The following PTPRE variants were observed in gnomAD, a reference collection of about 807,000 sequenced individuals.
PTPRE encodes receptor-type tyrosine-protein phosphatase epsilon.
Under a neutral mutation model 102.0 loss-of-function variants are expected in PTPRE, and 51 were observed. The observed-to-expected ratio is 0.50, with a 90% CI of 0.40 to 0.63. PTPRE has a LOEUF of 0.63. PTPRE is among the 30% of genes least tolerant of loss of function. The pLI is 0.00. For synonymous variants in PTPRE, 345 were observed against 348.2 expected, an observed-to-expected ratio of 0.99 and a Z score of 0.10; for missense variants, 752 against 915.1, an observed-to-expected ratio of 0.82 and a Z score of 2.30.
intron 1 of PTPRE, among the ~76,000 whole-genome samples, chr10:127,981,242 GA>G (rs1166412993): frequency 3.9e-5 from 6 of 152,218 alleles, no homozygotes; most frequent in African/African-American, 1.2e-4. Flanking sequence ...CCATTTATAT[GA>G]AATACTCAGA....
rs570659951 is a variant in PTPRE at position 128,051,894 on chromosome 10, C to T, written c.420+2228C>T. ...TATTTGTTTGTTTGAGATGGGGTCTCGCTGTGTCTCCCAGGCTGGAGTGCA... is the reference window on the plus strand; with the variant it reads ...TATTTGTTTGTTTGAGATGGGGTCTTGCTGTGTCTCCCAGGCTGGAGTGCA... On this transcript the variant is annotated intron_variant, in intron 6 of 20. Coordinates refer to ENST00000254667, the MANE Select transcript of PTPRE (RefSeq NM_006504.6). Among the ~76,000 whole-genome samples, 160 of 152,252 alleles carry T rather than the reference C, an allele frequency of 1.1e-3. 1 individual carries two copies. The highest frequency in any genetic ancestry group is 3.6e-3 in the African/African-American group (151 of 41,546).
At chr10:127,979,130 C>T (rs1851413774) in intron 1 of PTPRE, among the ~76,000 whole-genome samples, 1 of 152,230 alleles carries the variant, frequency 6.6e-6, no homozygotes, top group Non-Finnish European at 1.5e-5. Flanking sequence ...GCCCAGGGCA[C>T]TCCACAGCCC....
chr10:127,915,783 A>G (rs891541902), intron 1 of PTPRE, among the ~76,000 whole-genome samples: 2 of 150,630 alleles, frequency 1.3e-5, no homozygotes, highest in African/African-American at 4.9e-5. Context: ...GAAGTATTAA[A>G]CCTTTATTGA....
At chr10:128,069,659 C>G in intron 12 of PTPRE, 33 bp from the exon 13 acceptor site, 1 of 1,612,584 alleles carries the variant, frequency 6.2e-7, no homozygotes, top group Non-Finnish European at 8.5e-7. Flanking sequence ...AGGAGTGTGA[C>G]TCACGACGCA....
chr10:128,000,027 G>A (rs575512695), intron 2 of PTPRE: 2 of 948,952 alleles, frequency 2.1e-6, no homozygotes, highest in East Asian at 1.2e-4. Context: ...TTCTGTTGCT[G>A]GTTTAGATTG....
At chr10:128,046,537 AG>A (rs1848104480) in intron 3 of PTPRE, among the ~76,000 whole-genome samples, 1 of 152,202 alleles carries the variant, frequency 6.6e-6, no homozygotes, top group South Asian at 2.1e-4. Context: ...TGGGTCCACA[AG>A]AGAGGAGTCC....
intron 2 of PTPRE, among the ~76,000 whole-genome samples, chr10:127,984,394 A>G (rs1439158580): frequency 6.6e-6 from 1 of 151,974 alleles, no homozygotes; most frequent in East Asian, 1.9e-4. Flanking sequence ...CCTCCATTTC[A>G]GTGGGAAAGT....
At position 128,070,641 on chromosome 10, in the gene PTPRE, C is replaced by G. The variant is rs1850685092; in HGVS notation, c.1294-167C>G. Among the ~76,000 whole-genome samples, 3 of 152,200 alleles carry G rather than the reference C, an allele frequency of 2.0e-5. No homozygotes were observed. Among genetic ancestry groups the G allele is most frequent in the African/African-American group, 7.2e-5 (3 of 41,442 alleles). On this transcript the variant is annotated intron_variant, in intron 14 of 20. Coordinates refer to ENST00000254667, the MANE Select transcript of PTPRE (RefSeq NM_006504.6). The surrounding 1 kb of genome is among the most constrained non-coding windows in gnomAD (Gnocchi z 4.8). Reference sequence around the variant, plus strand: ...GGTGGCTTTCAGAGCCTCATAGCAGCCCTACTAGGCACACATTTGTATTTC... The same window carrying G: ...GGTGGCTTTCAGAGCCTCATAGCAGGCCTACTAGGCACACATTTGTATTTC...
rs1851842638 is a variant in PTPRE at position 128,082,862 on chromosome 10, C to T, written c.2059C>T (p.Gln687Ter). Residue 687 changes from glutamine to a stop codon, truncating the protein, a stop_gained, in exon 21 of 21, where the codon CAA (glutamine) becomes TAA (stop). Transcript: ENST00000254667. LOFTEE classifies it high-confidence loss of function. ...GTATGAATTCTGCTACAAAGTGGTA[C>T]AAGATTTTATTGATATATTTTCTGA... ...EQYEFCYKVVQDFIDIFSDYA... is the reference protein window; with the variant it reads ...EQYEFCYKVV The T allele has an allele frequency of 6.4e-7, 1 of 1,552,946 alleles. No individual in the cohort carries two copies. Among genetic ancestry groups the T allele is most frequent in the Non-Finnish European group, 8.6e-7 (1 of 1,159,374 alleles).
At chr10:128,029,073 GA>G (rs1357035294) in intron 2 of PTPRE, among the ~76,000 whole-genome samples, 1 of 152,208 alleles carries the variant, frequency 6.6e-6, no homozygotes, top group Non-Finnish European at 1.5e-5. Context: ...CTCGGAGGCA[GA>G]TAAGAGTGGG....
chr10:127,977,464 A>C (rs949558020), intron 1 of PTPRE, among the ~76,000 whole-genome samples: 1 of 152,340 alleles, frequency 6.6e-6, no homozygotes. Flanking sequence ...GGAGATACGC[A>C]TGCTACACAA....
intron 1 of PTPRE, among the ~76,000 whole-genome samples, chr10:127,930,939 C>T (rs745601982): frequency 5.9e-5 from 9 of 152,034 alleles, no homozygotes; most frequent in Admixed American, 1.3e-4. Flanking sequence ...ATTACGAGCG[C>T]GTGCCACCAC....
At chr10:127,947,355 A>G (rs1169121236) in intron 1 of PTPRE, among the ~76,000 whole-genome samples, 1 of 152,184 alleles carries the variant, frequency 6.6e-6, no homozygotes, top group Non-Finnish European at 1.5e-5. Context: ...CTCCTAGGAA[A>G]ACCTCCCCTG....
At chr10:128,044,407 C>T (rs571763056) in intron 3 of PTPRE, among the ~76,000 whole-genome samples, 2 of 152,232 alleles carry the variant, frequency 1.3e-5, no homozygotes, top group Non-Finnish European at 2.9e-5. Context: ...CCTGGAAGAC[C>T]CCGGCTCTTG....
Position 128,070,743 on chromosome 10 carries a change from G to C in PTPRE, c.1294-65G>C. On this transcript the variant is annotated intron_variant, in intron 14 of 20. Coordinates refer to ENST00000254667, the MANE Select transcript of PTPRE (RefSeq NM_006504.6). This position sits in a 1 kb window ranked among gnomAD's most constrained non-coding sequence, Gnocchi z 4.8. ...GTCCTTGCCAGCAGCACTAGTCCTC[G>C]GCTGAGCAATGTGCTCAGGAGTGTC... The C allele has an allele frequency of 6.6e-7, 1 of 1,517,068 alleles. No individual in the cohort carries two copies. The highest frequency in any genetic ancestry group is 9.1e-7 in the Non-Finnish European group (1 of 1,099,548). The allele number at this position is 1,517,068 out of a possible 1,614,324, so 94.0% of individuals were successfully genotyped here. A position where few individuals can be genotyped will look rare whatever the true frequency, so the allele number is the denominator to read the frequency against.
chr10:127,959,139 G>T, intron 1 of PTPRE, among the ~76,000 whole-genome samples: 1 of 152,090 alleles, frequency 6.6e-6, no homozygotes, highest in East Asian at 1.9e-4. Flanking sequence ...CAAGTGATCC[G>T]CCTGCCTTAG....
intron 1 of PTPRE, among the ~76,000 whole-genome samples, chr10:127,949,694 T>G (rs1358295174): frequency 6.6e-6 from 1 of 152,080 alleles, no homozygotes; most frequent in Non-Finnish European, 1.5e-5. Flanking sequence ...TGACCTGAGT[T>G]TCTACATGTG....
chr10:127,915,532 C>A (rs1230226997), intron 1 of PTPRE, among the ~76,000 whole-genome samples: 1 of 152,204 alleles, frequency 6.6e-6, no homozygotes, highest in Non-Finnish European at 1.5e-5. Context: ...AGCTAAAGTT[C>A]AGTCATCTAC....
chr10:127,985,695 T>G (rs1472621416), intron 2 of PTPRE, among the ~76,000 whole-genome samples: 1 of 152,240 alleles, frequency 6.6e-6, no homozygotes, highest in East Asian at 1.9e-4. Context: ...AGGAAGGCAT[T>G]TAAGTGGATT....
Sources: gnomAD v4.1 joint callset for allele counts (sites outside exome capture counted in the v4.1 genomes callset) on GRCh38, gnomAD v4.1.1 for gene constraint, Gnocchi (gnomAD v3.1) non-coding constraint, MANE v1.5 for transcripts, NCBI Gene and HGNC (gene_info 2026-07-23, HGNC 2026-07-21) for gene names.